Variants in GPC5 observed in about 807,000 individuals in gnomAD.
GPC5 encodes glypican-5.
Under a neutral mutation model 53.9 loss-of-function variants are expected in GPC5, and 47 were observed. The observed-to-expected ratio is 0.87, with a 90% confidence interval of 0.69 to 1.11. The LOEUF is 1.11. Ranked by LOEUF, GPC5 falls within the 50% of genes most tolerant of loss-of-function variation. The probability of loss-of-function intolerance (pLI) is 0.00; values close to 1 mark genes in which losing one functional copy is unlikely to be tolerated. For missense variants in GPC5, 748 were observed against 713.1 expected (o/e 1.05, Z -0.56); for synonymous variants, 286 against 263.3 (o/e 1.09, Z -0.84).
intron 7 of GPC5, among the ~76,000 whole-genome samples, chr13:92,551,895 A>T (rs999216686): frequency 2.6e-5 from 4 of 151,906 alleles, no homozygotes; most frequent in African/African-American, 9.7e-5. Context: ...TGAAGGGCAA[A>T]CTGGAAATAA....
At chr13:91,429,592 T>C (rs1170219123) in intron 1 of GPC5, among the ~76,000 whole-genome samples, 1 of 152,124 alleles carries the variant, frequency 6.6e-6, no homozygotes, top group Non-Finnish European at 1.5e-5. Context: ...AAGGGTATTC[T>C]CACCTGGGCG....
chr13:91,640,385 C>G (rs7331612), intron 2 of GPC5, among the ~76,000 whole-genome samples: 3,737 of 152,252 alleles, frequency 0.025, 145 homozygotes, highest in African/African-American at 0.084. Context: ...AAAAGCTCAA[C>G]GTTCATGATC....
intron 2 of GPC5, among the ~76,000 whole-genome samples, chr13:91,532,218 C>A (rs9301737): frequency 1.1e-4 from 16 of 152,112 alleles, no homozygotes; most frequent in African/African-American, 3.4e-4. Flanking sequence ...TGGCTAAAAA[C>A]GATTAAATTG....
intron 2 of GPC5, among the ~76,000 whole-genome samples, chr13:91,636,455 GT>G (rs1182917719): frequency 6.7e-6 from 1 of 150,058 alleles, no homozygotes; most frequent in Non-Finnish European, 1.5e-5. Flanking sequence ...GTGTGTATTT[GT>G]GTGTATCTCC....
intron 7 of GPC5, among the ~76,000 whole-genome samples, chr13:92,750,436 C>T (rs992530860): frequency 2.7e-5 from 4 of 150,904 alleles, no homozygotes; most frequent in Admixed American, 6.6e-5. Flanking sequence ...AAAGACAATG[C>T]TGGAAGAGGA....
chr13:92,174,027 TC>T (rs1053091577), intron 7 of GPC5, among the ~76,000 whole-genome samples: 1 of 151,712 alleles, frequency 6.6e-6, no homozygotes, highest in African/African-American at 2.4e-5. Context: ...ATCACTTGAG[TC>T]CAGGAGACAG....
At position 91,693,781 on chromosome 13, in the gene GPC5, A is replaced by G; in HGVS notation, c.920A>G (p.His307Arg). The change falls in exon 3 of 8, where the codon CAT becomes CGT. Residue 307 changes from histidine to arginine, a missense_variant. Physicochemically the swap from His to Arg is conservative, Grantham distance 29. Coordinates refer to ENST00000377067, the MANE Select transcript of GPC5 (RefSeq NM_004466.6). ...TTGGAAGAACTCTCGGATGCAATGCATGGAACATACGACATTGGACACGTG... is the reference window on the plus strand; with the variant it reads ...TTGGAAGAACTCTCGGATGCAATGCGTGGAACATACGACATTGGACACGTG... Reference protein sequence around the residue: ...RSLEELSDAMHGTYDIGHVLL... With the variant: ...RSLEELSDAMRGTYDIGHVLL... 6.2e-7 allele frequency: 1 copy of G among 1,614,154 alleles called. No homozygotes were observed. The highest frequency in any genetic ancestry group is 1.1e-5 in the South Asian group (1 of 91,080).
rs111205764 is a variant in GPC5 at position 91,572,056 on chromosome 13, T to C, written c.326-121131T>C. Among the ~76,000 whole-genome samples the C allele has an allele frequency of 7.6e-4, 110 of 144,674 alleles. 16 individuals are homozygous for C. The highest frequency in any genetic ancestry group is 2.6e-3 in the African/African-American group (98 of 38,270). The allele number at this position is 144,674 out of a possible 152,430, so 94.9% of individuals were successfully genotyped here. A position where few individuals can be genotyped will look rare whatever the true frequency, so the allele number is the denominator to read the frequency against. ...ATATGTGTATATACACACATATGTA[T>C]ATATACATGTATATACACACATATG... On this transcript the variant is annotated intron_variant, in intron 2 of 7. Coordinates refer to ENST00000377067, the MANE Select transcript of GPC5 (RefSeq NM_004466.6).
chr13:91,989,763 C>A (rs2040440482), intron 6 of GPC5, among the ~76,000 whole-genome samples: 1 of 152,058 alleles, frequency 6.6e-6, no homozygotes, highest in Non-Finnish European at 1.5e-5. Context: ...TATATTATCA[C>A]CAATACACAA....
chr13:92,866,463 C>T lies in GPC5; in HGVS notation c.*24C>T. On this transcript the variant is annotated 3_prime_UTR_variant, in exon 8 of 8. Transcript: ENST00000377067. Reference sequence around the variant, plus strand: ...AACTGAACTCTTCTGTCCTGACATACCTTACTGAAGTCTCGATTTCTTCTC... The same window carrying T: ...AACTGAACTCTTCTGTCCTGACATATCTTACTGAAGTCTCGATTTCTTCTC... The T allele has an allele frequency of 1.3e-6, 2 of 1,549,238 alleles. No individual in the cohort carries two copies. The highest frequency in any genetic ancestry group is 2.3e-5 in the East Asian group (1 of 42,576).
At chr13:91,832,263 C>A (rs2038669067) in intron 5 of GPC5, among the ~76,000 whole-genome samples, 1 of 146,274 alleles carries the variant, frequency 6.8e-6, no homozygotes, top group South Asian at 2.1e-4. Context: ...GGTTTAAAGT[C>A]TTATCAGAGG....
At chr13:92,428,290 T>G (rs1876927713) in intron 7 of GPC5, among the ~76,000 whole-genome samples, 1 of 152,138 alleles carries the variant, frequency 6.6e-6, no homozygotes, top group Non-Finnish European at 1.5e-5. Context: ...TTTGGTTGTT[T>G]CGCTTTGACA....
chr13:91,723,533 T>C (rs2036517541), intron 3 of GPC5, among the ~76,000 whole-genome samples: 1 of 151,956 alleles, frequency 6.6e-6, no homozygotes, highest in South Asian at 2.1e-4. Context: ...AACTTCCATA[T>C]ATCAGTGTCT....
intron 6 of GPC5, among the ~76,000 whole-genome samples, chr13:91,966,787 A>AT (rs1566368320): frequency 6.6e-6 from 1 of 152,188 alleles, no homozygotes; most frequent in Non-Finnish European, 1.5e-5. Context: ...TGACACTGAT[A>AT]TTTTTTAAAA....
intron 6 of GPC5, among the ~76,000 whole-genome samples, chr13:92,114,772 T>G: frequency 6.6e-6 from 1 of 152,282 alleles, no homozygotes; most frequent in African/African-American, 2.4e-5. Context: ...CTTATATAAA[T>G]GTATATTCTC....
intron 4 of GPC5, among the ~76,000 whole-genome samples, chr13:91,738,576 C>T (rs74966235): frequency 1.3e-5 from 2 of 151,094 alleles, no homozygotes; most frequent in East Asian, 3.9e-4. Context: ...CTCTTTACTG[C>T]ATGTCTTTTT....
chr13:91,525,200 T>G (rs573864975), intron 2 of GPC5, among the ~76,000 whole-genome samples: 6 of 152,136 alleles, frequency 3.9e-5, no homozygotes, highest in Non-Finnish European at 8.8e-5. Context: ...ATCTTACTTT[T>G]CCCCCCAAGA....
At position 92,535,668 on chromosome 13, in the gene GPC5, T is replaced by TAA. The variant is rs11409400; in HGVS notation, c.1562-330604_1562-330603dup. Among the ~76,000 whole-genome samples the TAA allele has an allele frequency of 8.3e-3, 1,235 of 148,010 alleles. 14 individuals carry two copies. Among genetic ancestry groups the TAA allele is most frequent in the African/African-American group, 0.027 (1,084 of 40,492 alleles). Reference sequence around the variant, plus strand: ...TAGAATAGTCCATTTCTATGTTTATTAAAAAAAAAAACAACCAGTCTGTGG... The same window carrying TAA: ...TAGAATAGTCCATTTCTATGTTTATTAAAAAAAAAAAAACAACCAGTCTGTGG... On this transcript the variant is annotated intron_variant, in intron 7 of 7. Coordinates refer to ENST00000377067, the MANE Select transcript of GPC5 (RefSeq NM_004466.6).
intron 2 of GPC5, among the ~76,000 whole-genome samples, chr13:91,473,649 A>G (rs533122016): frequency 5.0e-4 from 76 of 152,232 alleles, no homozygotes; most frequent in Admixed American, 2.2e-3. Flanking sequence ...CCATCAACAC[A>G]GCTTCAAAAC....
Sources: allele counts gnomAD v4.1 joint callset (sites outside exome capture counted in the v4.1 genomes callset), GRCh38; gene constraint gnomAD v4.1.1; transcripts MANE v1.5; gene names NCBI Gene and HGNC (gene_info 2026-07-23, HGNC 2026-07-21).